The following SPECC1 variants were observed in gnomAD, a reference collection of about 807,000 sequenced individuals.
SPECC1 encodes the protein sperm antigen with calponin homology and coiled-coil domains 1, also known as cytospin-B.
A neutral mutation model predicts 104.1 loss-of-function variants in SPECC1; 62 were observed. The observed-to-expected ratio is 0.60, with a 90% CI of 0.49 to 0.74. SPECC1 has a LOEUF of 0.74. Ranked by LOEUF, SPECC1 falls within the 30% of genes least tolerant of loss-of-function variation. SPECC1 has a pLI of 0.00. For synonymous variants in SPECC1, 513 were observed against 501.6 expected, an observed-to-expected ratio of 1.02 and a Z score of -0.30; for missense variants, 1,306 against 1,310.5, an observed-to-expected ratio of 1.00 and a Z score of 0.05.
At chr17:20,100,095 A>AT (rs2047872103) in intron 2 of SPECC1, among the ~76,000 whole-genome samples, 1 of 152,140 alleles carries the variant, frequency 6.6e-6, no homozygotes, top group Non-Finnish European at 1.5e-5. Context: ...TGTATTGTTA[A>AT]TTTTTAAAAT....
intron 3 of SPECC1, among the ~76,000 whole-genome samples, chr17:20,186,492 C>A (rs904076179): frequency 6.6e-6 from 1 of 152,200 alleles, no homozygotes; most frequent in African/African-American, 2.4e-5. Context: ...AAGCAAAGCT[C>A]AATAAAGCAA....
In SPECC1 at chr17:20,221,108, T is replaced by C. The variant is rs374509709; in HGVS notation, c.1864-6305T>C. Among the ~76,000 whole-genome samples, 366 of 152,344 alleles carry C rather than the reference T, an allele frequency of 2.4e-3. 16 individuals carry two copies. The South Asian group carries it at 0.073, about 30-fold the overall frequency. On this transcript the variant is annotated intron_variant, in intron 4 of 14. Coordinates refer to ENST00000395527, the MANE Select transcript of SPECC1 (RefSeq NM_001243439.2). ...TTTGCATCAATGTTCACCAGGGATA[T>C]TGGCCTATAGTTTTCTTTTTTTCAT... is the stretch of plus-strand genomic sequence containing the variant.
At chr17:20,293,579 G>T (rs2041242893) in intron 12 of SPECC1, among the ~76,000 whole-genome samples, 1 of 152,208 alleles carries the variant, frequency 6.6e-6, no homozygotes, top group Non-Finnish European at 1.5e-5. Flanking sequence ...TTCCAACTTT[G>T]CTGGCTTCAC....
intron 1 of SPECC1, among the ~76,000 whole-genome samples, chr17:20,053,447 T>C (rs1261085053): frequency 6.6e-6 from 1 of 152,198 alleles, no homozygotes; most frequent in Non-Finnish European, 1.5e-5. Flanking sequence ...ACTTCTTATT[T>C]CAAGAGGTGG....
chr17:20,065,959 G>T (rs76598003), intron 1 of SPECC1, among the ~76,000 whole-genome samples: 7 of 152,142 alleles, frequency 4.6e-5, no homozygotes, highest in Admixed American at 3.3e-4. Flanking sequence ...CATAGTCCTT[G>T]TTATAATTTG....
chr17:20,152,752 A>G (rs1335180275), intron 3 of SPECC1, among the ~76,000 whole-genome samples: 1 of 151,942 alleles, frequency 6.6e-6, no homozygotes, highest in African/African-American at 2.4e-5. Context: ...GCTCACTGCA[A>G]CCTCTGCCTC....
At chr17:20,063,314 G>A (rs1174022242) in intron 1 of SPECC1, among the ~76,000 whole-genome samples, 1 of 151,906 alleles carries the variant, frequency 6.6e-6, no homozygotes, top group East Asian at 1.9e-4. Context: ...GTTAATTTTG[G>A]TATTCTATGT....
At chr17:20,146,900 C>G (rs2031519190) in intron 3 of SPECC1, among the ~76,000 whole-genome samples, 1 of 151,646 alleles carries the variant, frequency 6.6e-6, no homozygotes. Context: ...GAGCAAAACT[C>G]TGTCTCAAAA....
intron 12 of SPECC1, among the ~76,000 whole-genome samples, chr17:20,275,322 T>C (rs573986151): frequency 6.6e-6 from 1 of 152,220 alleles, no homozygotes; most frequent in Non-Finnish European, 1.5e-5. Flanking sequence ...TTCTTGTTGG[T>C]TGCTTTGGTA....
In SPECC1 at chr17:20,314,193, C is replaced by G. The variant is rs1312689423; in HGVS notation, c.*128C>G. 2.7e-6 allele frequency: 2 copies of G among 742,590 alleles called. No homozygotes were observed. 46.0% of individuals were successfully genotyped at this position (742,590 alleles called of 1,614,324 possible). A position where few individuals can be genotyped will look rare whatever the true frequency, so the allele number is the denominator to read the frequency against. Reference sequence around the variant, plus strand: ...CTAGACTTCAAAGACAGGCTCAATCCAAGTGGACCAACACCCAAATAAGAA... The same window carrying G: ...CTAGACTTCAAAGACAGGCTCAATCGAAGTGGACCAACACCCAAATAAGAA... On this transcript the variant is annotated 3_prime_UTR_variant, in exon 15 of 15. Transcript: ENST00000395527.
intron 3 of SPECC1, among the ~76,000 whole-genome samples, chr17:20,151,313 G>A (rs2031986135): frequency 6.6e-6 from 1 of 152,188 alleles, no homozygotes; most frequent in Admixed American, 6.5e-5. Flanking sequence ...GTGAGCCGCA[G>A]CTCCTAGTCA....
chr17:20,183,529 C>G (rs2035052194), intron 3 of SPECC1, among the ~76,000 whole-genome samples: 1 of 152,126 alleles, frequency 6.6e-6, no homozygotes, highest in Admixed American at 6.5e-5. Context: ...TTGGGAGATT[C>G]ATTCCAGAAT....
At chr17:20,304,914 A>C (rs2041713563) in intron 13 of SPECC1, among the ~76,000 whole-genome samples, 1 of 152,090 alleles carries the variant, frequency 6.6e-6, no homozygotes, top group African/African-American at 2.4e-5. Flanking sequence ...AATGGGCAAG[A>C]GGCCAGATGA....
At chr17:20,011,273 A>AT in intron 1 of SPECC1, among the ~76,000 whole-genome samples, 1 of 152,306 alleles carries the variant, frequency 6.6e-6, no homozygotes, top group Non-Finnish European at 1.5e-5. Flanking sequence ...TAGGCAGTTA[A>AT]TATCAGTATT....
At chr17:20,162,260 C>G (rs1228265192) in intron 3 of SPECC1, among the ~76,000 whole-genome samples, 1 of 152,120 alleles carries the variant, frequency 6.6e-6, no homozygotes, top group Non-Finnish European at 1.5e-5. Flanking sequence ...ATTCTCCTGC[C>G]TCAGCCTCCC....
chr17:20,178,362 A>G (rs889386241), intron 3 of SPECC1, among the ~76,000 whole-genome samples: 1 of 152,142 alleles, frequency 6.6e-6, no homozygotes, highest in East Asian at 1.9e-4. Context: ...CCTGGGCTCT[A>G]GAGTGGAAAC....
intron 4 of SPECC1, among the ~76,000 whole-genome samples, chr17:20,210,761 A>G (rs575988818): frequency 1.3e-5 from 2 of 152,216 alleles, no homozygotes; most frequent in Admixed American, 1.3e-4. Context: ...TGCCTGGGGC[A>G]CCACATGGCT....
chr17:20,011,610 A>G (rs907302421), intron 1 of SPECC1, among the ~76,000 whole-genome samples: 2 of 151,706 alleles, frequency 1.3e-5, no homozygotes, highest in African/African-American at 2.4e-5. Flanking sequence ...AATTCTATTG[A>G]TTTTTTATTT....
intron 3 of SPECC1, among the ~76,000 whole-genome samples, chr17:20,128,121 C>T (rs976646490): frequency 4.6e-5 from 7 of 152,120 alleles, no homozygotes; most frequent in Admixed American, 2.6e-4. Context: ...AGCCTGACTC[C>T]ACTAGAAGAC....
Sources: gnomAD v4.1 joint callset for allele counts (sites outside exome capture counted in the v4.1 genomes callset) on GRCh38, gnomAD v4.1.1 for gene constraint, MANE v1.5 for transcripts, NCBI Gene and HGNC (gene_info 2026-07-23, HGNC 2026-07-21) for gene names.